Variants in DNAH3 observed in about 807,000 individuals in gnomAD.
DNAH3 encodes the protein axonemal beta dynein heavy chain 3.
A neutral mutation model predicts 432.5 loss-of-function variants in DNAH3; 332 were observed. That is an observed-to-expected ratio of 0.77 (90% CI 0.70 to 0.84). The LOEUF is 0.84. DNAH3 is among the 40% of genes least tolerant of loss of function. The pLI, the probability that DNAH3 is intolerant of heterozygous loss-of-function variation, is 0.00. For missense variants in DNAH3, 4,861 were observed against 5,114.0 expected (o/e 0.95, Z 1.51); for synonymous variants, 1,956 against 1,900.2 (o/e 1.03, Z -0.76).
intron 1 of DNAH3, 42 bp from the exon 2 acceptor site, chr16:21,150,576 C>G (rs2092841491): frequency 8.8e-6 from 2 of 227,134 alleles, no homozygotes; most frequent in Non-Finnish European, 8.9e-6. Context: ...GATAAGGGGA[C>G]AGCACTGGGT....
chr16:20,967,492 CTTTTTTTTTTT>C (rs756357963), intron 52 of DNAH3, among the ~76,000 whole-genome samples: 7 of 52,786 alleles, frequency 1.3e-4, no homozygotes, highest in African/African-American at 4.8e-4. Flanking sequence ...CAGACTTCTG[CTTTTTTTTTTT>C]TTTTTTTTTT....
At chr16:20,951,117 G>A (rs986820045) in intron 56 of DNAH3, among the ~76,000 whole-genome samples, 2 of 151,998 alleles carry the variant, frequency 1.3e-5, no homozygotes, top group African/African-American at 4.8e-5. Flanking sequence ...CAGAGCCTAT[G>A]ATCAAGTTTT....
chr16:21,066,318 G>A (rs923408172), intron 24 of DNAH3, among the ~76,000 whole-genome samples: 3 of 152,136 alleles, frequency 2.0e-5, no homozygotes, highest in African/African-American at 4.8e-5. Context: ...GTCATGGATA[G>A]ATTATCAGGA....
At chr16:20,983,940 T>A (rs1444444975) in intron 48 of DNAH3, among the ~76,000 whole-genome samples, 1 of 148,724 alleles carries the variant, frequency 6.7e-6, no homozygotes, top group Non-Finnish European at 1.5e-5. Context: ...GGTGAGAGGA[T>A]CACTTGAGCC....
chr16:20,990,866 C>G (rs2086520167), intron 44 of DNAH3, among the ~76,000 whole-genome samples: 1 of 151,882 alleles, frequency 6.6e-6, no homozygotes. Context: ...ATTAAAAATA[C>G]AAAAATTAGC....
intron 23 of DNAH3, 147 bp downstream of exon 23, chr16:21,069,268 C>A (rs1597300837): frequency 1.3e-6 from 1 of 746,342 alleles, no homozygotes; most frequent in South Asian, 1.9e-5. Flanking sequence ...TTAATAATAA[C>A]AACTTCTGAA....
At chr16:21,100,605 G>A (rs1458967978) in intron 16 of DNAH3, among the ~76,000 whole-genome samples, 2 of 152,142 alleles carry the variant, frequency 1.3e-5, no homozygotes, top group Non-Finnish European at 2.9e-5. Flanking sequence ...TTCCTCCAGG[G>A]TGCCAAAGTG....
rs1567681489 is a variant in DNAH3 at position 21,039,213 on chromosome 16, G to GTTTTTTTTTTTTTT, written c.4730+638_4730+639insAAAAAAAAAAAAAA. Among the ~76,000 whole-genome samples, 2 of 103,628 alleles carry GTTTTTTTTTTTTTT rather than the reference G, an allele frequency of 1.9e-5. 1 individual carries two copies. The highest frequency in any genetic ancestry group is 7.8e-5 in the African/African-American group (2 of 25,574). 68.0% of individuals were successfully genotyped at this position (103,628 alleles called of 152,430 possible). A position where few individuals can be genotyped will look rare whatever the true frequency, so the allele number is the denominator to read the frequency against. On this transcript the variant is annotated intron_variant, in intron 33 of 61. Coordinates refer to ENST00000261383, the Ensembl canonical transcript of DNAH3. ...ATAATTGCATATGTTTTATAGTGTTGCTTTTTTTTTTTTTTTTTTTTTTGA... is the reference window on the plus strand; with the variant it reads ...ATAATTGCATATGTTTTATAGTGTTGTTTTTTTTTTTTTTCTTTTTTTTTTTTTTTTTTTTTTGA...
At chr16:21,108,498 G>C (rs1026851752) in intron 14 of DNAH3, among the ~76,000 whole-genome samples, 7 of 151,032 alleles carry the variant, frequency 4.6e-5, no homozygotes, top group Non-Finnish European at 1.0e-4. Context: ...AATCCCAGCA[G>C]TTTGGGAAGC....
At chr16:21,118,652 G>A (rs998501445) in intron 11 of DNAH3, among the ~76,000 whole-genome samples, 1 of 152,150 alleles carries the variant, frequency 6.6e-6, no homozygotes, top group Non-Finnish European at 1.5e-5. Flanking sequence ...ATGTTGCCCA[G>A]GTTGGTCTTG....
Position 21,051,881 on chromosome 16 carries a change from A to G in DNAH3, c.4040-13T>C, listed in dbSNP as rs1285899863. The G allele has an allele frequency of 3.7e-6, 6 of 1,613,198 alleles. No homozygotes were observed. Among genetic ancestry groups the G allele is most frequent in the Non-Finnish European group, 5.1e-6 (6 of 1,179,244 alleles). Reference sequence around the variant, plus strand: ...ACCACGTCGCGGGCTGTTGGGACACAGATGCAGAAACACGCACACAGAGCC... The same window carrying G: ...ACCACGTCGCGGGCTGTTGGGACACGGATGCAGAAACACGCACACAGAGCC... On this transcript the variant is annotated splice_polypyrimidine_tract_variant and intron_variant, in intron 28 of 61. Coordinates refer to ENST00000261383, the Ensembl canonical transcript of DNAH3.
At chr16:20,961,550 T>C (rs1311281090) in intron 53 of DNAH3, among the ~76,000 whole-genome samples, 1 of 150,406 alleles carries the variant, frequency 6.6e-6, no homozygotes, top group African/African-American at 2.4e-5. Flanking sequence ...TAAAATAAAA[T>C]GCGTTCATTA....
At chr16:21,122,235 G>A (rs2152813325) in intron 9 of DNAH3, 111 bp from the exon 11 acceptor site, 1 of 887,314 alleles carries the variant, frequency 1.1e-6, no homozygotes, top group Non-Finnish European at 1.7e-6. Context: ...AGGCAATGAA[G>A]GGCATCATAC....
chr16:21,130,091 G>GAAAAAAAAAAAAAAAAA (rs58706051), intron 7 of DNAH3: 1 of 79,146 alleles, frequency 1.3e-5, no homozygotes, highest in African/African-American at 4.6e-5. Context: ...CTAAATAAAT[G>GAAAAAAAAAAAAAAAAA]AAAAAAAAAA....
chr16:21,004,560 G>T (rs1260125777), intron 41 of DNAH3, among the ~76,000 whole-genome samples: 2 of 152,042 alleles, frequency 1.3e-5, no homozygotes, highest in African/African-American at 4.8e-5. Flanking sequence ...TAGACACAGG[G>T]TTTTGCCATG....
intron 18 of DNAH3, among the ~76,000 whole-genome samples, chr16:21,087,501 T>G (rs1233898642): frequency 6.6e-6 from 1 of 151,590 alleles, no homozygotes; most frequent in Admixed American, 6.6e-5. Context: ...CTGGGCAACA[T>G]AGTGAGACCC....
intron 42 of DNAH3, among the ~76,000 whole-genome samples, chr16:21,001,323 T>A (rs539820086): frequency 8.6e-5 from 13 of 151,296 alleles, no homozygotes; most frequent in South Asian, 6.2e-4. Flanking sequence ...TGTCCCTCTA[T>A]GGGGGAAGAT....
rs368704299 is a variant in DNAH3 at position 20,936,664 on chromosome 16, G to T, written c.11844C>A (p.Arg3948=). Reference sequence around the variant, plus strand: ...TCCCAGGTACCTGGAAGAAGGTCAGGCGGGCCAGCAGGTCAGCCACGTAGC... The same window carrying T: ...TCCCAGGTACCTGGAAGAAGGTCAGTCGGGCCAGCAGGTCAGCCACGTAGC... The change falls in exon 60 of 62, where the codon CGC becomes CGA. Residue 3948 remains arginine (R), a synonymous_variant. Coordinates refer to ENST00000261383, the Ensembl canonical transcript of DNAH3. 44 of 1,599,202 alleles carry T rather than the reference G, an allele frequency of 2.8e-5. No homozygotes were observed. The African/African-American group carries it at 4.7e-4, about 17-fold the overall frequency.
At chr16:20,975,986 C>G (rs1258223381) in intron 50 of DNAH3, among the ~76,000 whole-genome samples, 1 of 152,094 alleles carries the variant, frequency 6.6e-6, no homozygotes, top group African/African-American at 2.4e-5. Flanking sequence ...CTCAGGTGAT[C>G]CACCCACCTT....
Sources: allele counts gnomAD v4.1 joint callset (sites outside exome capture counted in the v4.1 genomes callset), GRCh38; gene constraint gnomAD v4.1.1; transcripts MANE v1.5; gene names NCBI Gene and HGNC (gene_info 2026-07-23, HGNC 2026-07-21).